SPATA3: variants seen among roughly 807,000 people sequenced by gnomAD.
The protein encoded by SPATA3 is spermatogenesis-associated protein 3.
In SPATA3, 6 loss-of-function variants were observed where a neutral mutation model predicts 5.7. The ratio of observed to expected loss-of-function variants is 1.06; its 90% confidence interval spans 0.58 to 2.09. The LOEUF (loss-of-function observed/expected upper bound fraction) is 2.09. Ranked by LOEUF, SPATA3 falls within the 30% of genes most tolerant of loss-of-function variation. SPATA3 has a pLI of 0.00. For synonymous variants in SPATA3, 44 were observed against 48.4 expected, an observed-to-expected ratio of 0.91 and a Z score of 0.37; for missense variants, 155 against 130.4, an observed-to-expected ratio of 1.19 and a Z score of -0.92.
At chr2:231,002,194 G>A (rs1260551647) in intron 2 of SPATA3, among the ~76,000 whole-genome samples, 3 of 152,168 alleles carry the variant, frequency 2.0e-5, no homozygotes, top group Non-Finnish European at 4.4e-5. Flanking sequence ...TATTTTTGTA[G>A]GATTTTTATC....
chr2:231,005,572 C>T (rs796834590), downstream of SPATA3, among the ~76,000 whole-genome samples: 1 of 103,656 alleles, frequency 9.6e-6, no homozygotes, highest in African/African-American at 3.3e-5. Flanking sequence ...TCACCATCAT[C>T]ATCACCATCA....
At chr2:231,015,669 C>G (rs1435256153) in intron 6 of SPATA3, among the ~76,000 whole-genome samples, 1 of 152,200 alleles carries the variant, frequency 6.6e-6, no homozygotes, top group Non-Finnish European at 1.5e-5. Flanking sequence ...CGTCCCAGAC[C>G]CTCTGGGCCC....
At chr2:231,011,565 C>A (rs1692788935), downstream of SPATA3, among the ~76,000 whole-genome samples, 1 of 152,184 alleles carries the variant, frequency 6.6e-6, no homozygotes, top group African/African-American at 2.4e-5. Flanking sequence ...TTTTCAGATA[C>A]AACCTGGTCT....
chr2:231,007,416 G>A (rs1692668635), downstream of SPATA3: 1 of 152,210 alleles, frequency 6.6e-6, no homozygotes, highest in Admixed American at 6.5e-5. Context: ...TGTCATTCCT[G>A]TTCAGGGCCA....
chr2:230,999,849 A>G (rs1272626613), intron 1 of SPATA3: 1 of 168,750 alleles, frequency 5.9e-6, no homozygotes, highest in African/African-American at 2.4e-5. Context: ...ACTGAATTAA[A>G]CGTGAGAAAG....
chr2:231,017,257 G>A (rs1280590988), intron 6 of SPATA3, among the ~76,000 whole-genome samples: 1 of 152,206 alleles, frequency 6.6e-6, no homozygotes, highest in African/African-American at 2.4e-5. Context: ...GCTTTGGGGA[G>A]AGCTTAATCT....
downstream of SPATA3, among the ~76,000 whole-genome samples, chr2:231,003,333 G>C (rs1356518491): frequency 1.3e-5 from 2 of 152,212 alleles, no homozygotes; most frequent in Admixed American, 1.3e-4. Context: ...TGTCCTGCAA[G>C]ACCCCTGAGG....
exon 3 of SPATA3, chr2:231,002,741 C>T: frequency 6.5e-7 from 1 of 1,532,768 alleles, no homozygotes; most frequent in Non-Finnish European, 8.8e-7. Context: ...GCCCTCGGAA[C>T]TGTGGCTGTG....
downstream of SPATA3, among the ~76,000 whole-genome samples, chr2:231,005,337 TCAC>T (rs200070172): frequency 0.45 from 32,791 of 73,400 alleles, 5,089 homozygotes; most frequent in Non-Finnish European, 0.48. Flanking sequence ...ATCATCACCA[TCAC>T]CATCATCACC....
Position 230,996,316 on chromosome 2 carries a change from C to T in SPATA3, c.791-4050C>T, listed in dbSNP as rs1447115926. 6.4e-7 allele frequency: 1 copy of T among 1,550,760 alleles called. No individual in the cohort carries two copies. The stretch of plus-strand genomic sequence containing the variant: ...CAGCATGCTAGCTCCAATTCCACCT[C>T]TCAGCAGCCTAGCCCTGAATCCACA... On this transcript the variant is annotated intron_variant, in intron 1 of 2. Transcript: ENST00000645363.
At chr2:231,002,209 CG>C (rs1692377941) in intron 2 of SPATA3, among the ~76,000 whole-genome samples, 1 of 152,186 alleles carries the variant, frequency 6.6e-6, no homozygotes, top group Non-Finnish European at 1.5e-5. Flanking sequence ...TTTATCAAAA[CG>C]GGTATTGCAT....
At chr2:230,996,268 G>A in intron 1 of SPATA3, 1 of 1,535,778 alleles carries the variant, frequency 6.5e-7, no homozygotes. Flanking sequence ...TCAGAGGCCA[G>A]ACGCCACCGA....
intron 1 of SPATA3, chr2:230,996,364 C>T (rs1240260256): frequency 1.3e-6 from 2 of 1,544,026 alleles, no homozygotes; most frequent in African/African-American, 2.7e-5. Context: ...AGTCCTGAAT[C>T]CACACCACAG....
At chr2:231,008,043 G>A (rs140496939), downstream of SPATA3, among the ~76,000 whole-genome samples, 678 of 152,296 alleles carry the variant, frequency 4.5e-3, 8 homozygotes, top group African/African-American at 0.015. Context: ...AACCACCAAA[G>A]AAGGGAGGAC....
chr2:231,013,202 A>G (rs982986740), intron 5 of SPATA3, among the ~76,000 whole-genome samples: 1 of 151,996 alleles, frequency 6.6e-6, no homozygotes, highest in Non-Finnish European at 1.5e-5. Flanking sequence ...TTGAGTATCC[A>G]TCCCCCTTCC....
downstream of SPATA3, chr2:231,006,927 C>T (rs889723071): frequency 6.6e-6 from 1 of 152,198 alleles, no homozygotes; most frequent in African/African-American, 2.4e-5. Flanking sequence ...GGGAGTGAGA[C>T]TCCATCATAG....
chr2:230,998,394 C>T (rs2368525), intron 1 of SPATA3, among the ~76,000 whole-genome samples: 45,890 of 151,910 alleles, frequency 0.3, 7,070 homozygotes, highest in East Asian at 0.44. Context: ...TCAGAACTGG[C>T]ATCTTCAGTA....
rs185825494 is a variant in SPATA3, at chr2:231,012,900, C to A, written c.*226+203C>A. 1.1e-4 allele frequency among the ~76,000 whole-genome samples: 16 copies of A among 152,358 alleles called. No homozygotes were observed. In the East Asian group the frequency reaches 2.7e-3, roughly 26 times the overall value. On this transcript the variant is annotated intron_variant, in intron 5 of 8. Transcript: ENST00000452881. Reference sequence around the variant, plus strand: ...AGAAACTTCCAACTCCCTTGCCCATCTCCCTTCATCCCATTCATTTGGCAA... The same window carrying A: ...AGAAACTTCCAACTCCCTTGCCCATATCCCTTCATCCCATTCATTTGGCAA...
chr2:231,009,681 C>G (rs535262583), downstream of SPATA3, among the ~76,000 whole-genome samples: 1 of 152,222 alleles, frequency 6.6e-6, no homozygotes, highest in Non-Finnish European at 1.5e-5. Context: ...GACCACATGC[C>G]GGAGTCCCTG....
Sources: gnomAD v4.1 joint callset for allele counts (sites outside exome capture counted in the v4.1 genomes callset) on GRCh38, gnomAD v4.1.1 for gene constraint, MANE v1.5 for transcripts, NCBI Gene and HGNC (gene_info 2026-07-23, HGNC 2026-07-21) for gene names.